Variants in C1orf94 observed in about 807,000 individuals in gnomAD.
The protein encoded by C1orf94 is uncharacterized protein C1orf94.
Under a neutral mutation model 53.6 loss-of-function variants are expected in C1orf94, and 45 were observed. The ratio of observed to expected loss-of-function variants is 0.84; its 90% CI spans 0.66 to 1.08. The LOEUF is 1.08. Among genes scored for constraint, C1orf94 ranks in the 50% least tolerant of loss-of-function variants. The probability of loss-of-function intolerance (pLI) is 0.00; values close to 1 mark genes in which losing one functional copy is unlikely to be tolerated. For synonymous variants in C1orf94, 304 were observed against 296.1 expected, an observed-to-expected ratio of 1.03 and a Z score of -0.27; for missense variants, 762 against 738.9, an observed-to-expected ratio of 1.03 and a Z score of -0.36.
At chr1:34,168,999 A>G (rs558189255) in intron 1 of C1orf94, among the ~76,000 whole-genome samples, 1 of 152,352 alleles carries the variant, frequency 6.6e-6, no homozygotes, top group African/African-American at 2.4e-5. Flanking sequence ...ATATCTGTTT[A>G]CATTTATTTT....
rs114850350 is a variant in C1orf94 at position 34,202,244 on chromosome 1, C to T, written c.1431C>T (p.Thr477=). 3.1e-6 allele frequency: 5 copies of T among 1,614,150 alleles called. No individual in the cohort carries two copies. The East Asian group carries it at 1.1e-4, about 36-fold the overall frequency. The change falls in exon 4 of 7, where the codon ACC becomes ACT. Residue 477 remains threonine, a synonymous_variant. Coordinates refer to ENST00000488417, the MANE Select transcript of C1orf94 (RefSeq NM_001134734.2). ...CACCAGTGTTCACGAATCACTCTAC[C>T]TTCTTGCAGTATCAGGTCAGTGAGC... ...PPPPVFTNHS[T]FLQYQGLYPQ...
At chr1:34,207,996 G>T (rs1432791313) in intron 4 of C1orf94, among the ~76,000 whole-genome samples, 161 bp from the exon 5 acceptor site, 1 of 152,200 alleles carries the variant, frequency 6.6e-6, no homozygotes, top group Non-Finnish European at 1.5e-5. Context: ...TGTGAGTCCT[G>T]CTTCTCCTGG....
chr1:34,183,093 A>G (rs934192223), intron 1 of C1orf94, among the ~76,000 whole-genome samples: 4 of 152,188 alleles, frequency 2.6e-5, no homozygotes, highest in African/African-American at 4.8e-5. Context: ...AAAAGAGGCT[A>G]TGTATTCCAA....
intron 1 of C1orf94, among the ~76,000 whole-genome samples, chr1:34,187,790 C>G (rs28580608): frequency 7.1e-6 from 1 of 140,342 alleles, no homozygotes; most frequent in Non-Finnish European, 1.6e-5. Context: ...CCCGCCGCCC[C>G]CCACCACCCA....
chr1:34,196,448 G>T (rs890866420), intron 1 of C1orf94, among the ~76,000 whole-genome samples: 4 of 152,276 alleles, frequency 2.6e-5, no homozygotes, highest in African/African-American at 9.6e-5. Context: ...CAGTCCAGAG[G>T]CTGTGATCGG....
At chr1:34,206,294 A>G (rs1642791824) in intron 4 of C1orf94, among the ~76,000 whole-genome samples, 1 of 152,218 alleles carries the variant, frequency 6.6e-6, no homozygotes, top group Non-Finnish European at 1.5e-5. Flanking sequence ...CATGCTGGGC[A>G]TTCTGGAGAC....
chr1:34,216,687 T>C (rs1642993727), intron 6 of C1orf94, among the ~76,000 whole-genome samples: 1 of 152,198 alleles, frequency 6.6e-6, no homozygotes, highest in Non-Finnish European at 1.5e-5. Context: ...AGCCCTCCCC[T>C]CTGCCAAGTC....
chr1:34,198,981 G>A (rs1642648255), intron 2 of C1orf94, among the ~76,000 whole-genome samples: 1 of 152,180 alleles, frequency 6.6e-6, no homozygotes, highest in African/African-American at 2.4e-5. Flanking sequence ...CTGCTGGACT[G>A]GAGGCAGTTC....
At chr1:34,214,226 C>T (rs1481450792) in intron 6 of C1orf94, among the ~76,000 whole-genome samples, 1 of 152,080 alleles carries the variant, frequency 6.6e-6, no homozygotes, top group Non-Finnish European at 1.5e-5. Flanking sequence ...GGAGCAAGGC[C>T]CTCAGATGGG....
Position 34,186,429 on chromosome 1 carries a change from G to A in C1orf94, c.320+8320G>A, listed in dbSNP as rs368352807. 3.9e-5 allele frequency among the ~76,000 whole-genome samples: 6 copies of A among 152,176 alleles called. No individual in the cohort carries two copies. The East Asian group carries it at 7.7e-4, about 20-fold the overall frequency. ...TGTCATTATCATGGATAAAATAACA[G>A]GACATGATTGATATGGGACAAGGAG... is the stretch of plus-strand genomic sequence containing the variant. On this transcript the variant is annotated intron_variant, in intron 1 of 6. Transcript: ENST00000488417.
Position 34,197,979 on chromosome 1 carries a change from C to T in C1orf94, c.1009+66C>T. 6.9e-7 allele frequency: 1 copy of T among 1,444,752 alleles called. No homozygotes were observed. Among genetic ancestry groups the T allele is most frequent in the Non-Finnish European group, 9.4e-7 (1 of 1,067,610 alleles). The allele number at this position is 1,444,752 out of a possible 1,614,324, so 89.5% of individuals were successfully genotyped here. On this transcript the variant is annotated intron_variant, in intron 2 of 6. Coordinates refer to ENST00000488417, the MANE Select transcript of C1orf94 (RefSeq NM_001134734.2). This position sits in a 1 kb window ranked among gnomAD's most constrained non-coding sequence, Gnocchi z 4.1. Reference sequence around the variant, plus strand: ...AGGAGGTCCTTCCCAGGAAGCCAATCAGGGCTGCAGCATGTACATAAAGCA... The same window carrying T: ...AGGAGGTCCTTCCCAGGAAGCCAATTAGGGCTGCAGCATGTACATAAAGCA...
intron 4 of C1orf94, 129 bp from the exon 5 acceptor site, chr1:34,208,028 A>G: frequency 1.2e-6 from 1 of 848,498 alleles, no homozygotes; most frequent in South Asian, 1.7e-5. Context: ...CTGGCCTCAG[A>G]CAGCCCATGG....
Position 34,203,563 on chromosome 1 carries a change from C to T in C1orf94, c.1446+1304C>T, listed in dbSNP as rs1182543037. The stretch of plus-strand genomic sequence containing the variant: ...CTTGGAACCAATCCTCTGAGGATAC[C>T]GTGGAATGAGTGTATATGGCCACCT... On this transcript the variant is annotated intron_variant, in intron 4 of 6. Coordinates refer to ENST00000488417, the MANE Select transcript of C1orf94 (RefSeq NM_001134734.2). Among the ~76,000 whole-genome samples the T allele has an allele frequency of 5.3e-5, 8 of 152,244 alleles. No homozygotes were observed. In the South Asian group the frequency reaches 6.2e-4, roughly 12 times the overall value.
At chr1:34,191,993 G>T (rs1399424065) in intron 1 of C1orf94, among the ~76,000 whole-genome samples, 1 of 152,182 alleles carries the variant, frequency 6.6e-6, no homozygotes, top group Non-Finnish European at 1.5e-5. Context: ...GCACCGCGTG[G>T]AGCTGGAGCC....
intron 1 of C1orf94, among the ~76,000 whole-genome samples, chr1:34,195,874 C>T (rs767108863): frequency 2.0e-5 from 3 of 151,764 alleles, no homozygotes; most frequent in Admixed American, 6.6e-5. Context: ...CCATGGTCAC[C>T]GTTTTGGAGA....
chr1:34,173,989 G>GC (rs1571332579), upstream of C1orf94, among the ~76,000 whole-genome samples: 4 of 152,202 alleles, frequency 2.6e-5, no homozygotes, highest in African/African-American at 9.6e-5. Context: ...ATATCACACT[G>GC]CTCTGCACCA....
At chr1:34,171,477 G>A (rs943842337) in intron 1 of C1orf94, among the ~76,000 whole-genome samples, 1 of 152,144 alleles carries the variant, frequency 6.6e-6, no homozygotes, top group African/African-American at 2.4e-5. Flanking sequence ...ATGGATGGAT[G>A]AATGGATGGT....
chr1:34,176,452 C>T (rs935171203), upstream of C1orf94, among the ~76,000 whole-genome samples: 2 of 152,038 alleles, frequency 1.3e-5, no homozygotes, highest in African/African-American at 4.8e-5. Context: ...CTTAGCCCTT[C>T]TCCCTGCACC....
rs74920517 is a variant in C1orf94, at chr1:34,171,493, A to C, written c.-251+4322A>C. ...TGGATGGATGAATGGATGGTTAAGT[A>C]GGTGCTCAGTACTGTTTGTGGAATG... is the stretch of plus-strand genomic sequence containing the variant. On this transcript the variant is annotated intron_variant, in intron 1 of 6. Coordinates refer to the C1orf94 transcript ENST00000373374. Among the ~76,000 whole-genome samples the C allele has an allele frequency of 2.2e-3, 339 of 152,332 alleles. 1 individual carries two copies. Among genetic ancestry groups the C allele is most frequent in the African/African-American group, 7.7e-3 (321 of 41,586 alleles).
Sources: allele counts gnomAD v4.1 joint callset (sites outside exome capture counted in the v4.1 genomes callset), GRCh38; gene constraint gnomAD v4.1.1; non-coding constraint Gnocchi (gnomAD v3.1); transcripts MANE v1.5; gene names NCBI Gene and HGNC (gene_info 2026-07-23, HGNC 2026-07-21).